The following TTC28 variants were observed in gnomAD, a reference collection of about 807,000 sequenced individuals.
TTC28 encodes the protein tetratricopeptide repeat domain 28.
In TTC28, 61 loss-of-function variants were observed where a neutral mutation model predicts 198.0. That is an observed-to-expected ratio of 0.31 (90% CI 0.25 to 0.38). The LOEUF is 0.38. Among genes scored for constraint, TTC28 ranks in the 10% least tolerant of loss-of-function variants. TTC28 has a pLI of 1.00. For missense variants in TTC28, 2,678 were observed against 3,164.0 expected (o/e 0.85, Z 3.69); for synonymous variants, 1,171 against 1,297.8 (o/e 0.90, Z 2.10).
At chr22:28,336,556 T>A (rs1253030729) in intron 2 of TTC28, among the ~76,000 whole-genome samples, 1 of 152,164 alleles carries the variant, frequency 6.6e-6, no homozygotes, top group Non-Finnish European at 1.5e-5. Context: ...TTCTTCCTGG[T>A]TTAGTCTTGG....
At chr22:28,661,251 T>A (rs2051741900) in intron 1 of TTC28, among the ~76,000 whole-genome samples, 1 of 152,112 alleles carries the variant, frequency 6.6e-6, no homozygotes, top group African/African-American at 2.4e-5. Context: ...GCCATTGTAC[T>A]CCAGCCTGGG....
chr22:28,344,804 G>A lies in TTC28; in HGVS notation c.382-38161C>T, dbSNP rs568946262. 9.2e-5 allele frequency among the ~76,000 whole-genome samples: 14 copies of A among 152,220 alleles called. No homozygotes were observed. In the East Asian group the frequency reaches 9.7e-4, roughly 10 times the overall value. Reference sequence around the variant, plus strand: ...TAAGGCTCTGTCCCCATGTGAAACCGGAGGTTAAATCATTCTTTGATTAAT... The same window carrying A: ...TAAGGCTCTGTCCCCATGTGAAACCAGAGGTTAAATCATTCTTTGATTAAT... On this transcript the variant is annotated intron_variant, in intron 2 of 22. Transcript: ENST00000397906.
chr22:28,107,506 T>A lies in TTC28; in HGVS notation c.2339A>T (p.Glu780Val). The A allele has an allele frequency of 1.9e-6, 3 of 1,551,782 alleles. No homozygotes were observed. The highest frequency in any genetic ancestry group is 1.7e-6 in the Non-Finnish European group (2 of 1,147,018). The change falls in exon 7 of 23, where the codon GAA (glutamate) becomes GTA (valine). Residue 780 changes from glutamate (E) to valine (V), a missense_variant. By Grantham distance (121) the Glu-to-Val change is moderately radical. This residue lies in a region of TTC28 where 775 missense variants were observed against 845.9 expected (regional missense o/e 0.92). Coordinates refer to ENST00000397906, the MANE Select transcript of TTC28 (RefSeq NM_001145418.2). ...ACTCAGCTCCTGATATACCTCCAGTTCCTGTGTGTGATAACCCAGGGCCTT... is the reference window on the plus strand; with the variant it reads ...ACTCAGCTCCTGATATACCTCCAGTACCTGTGTGTGATAACCCAGGGCCTT... ...YDKALGYHTQ[E>V]LEVYQELSDL...
At chr22:28,436,421 A>G (rs1269538167) in intron 2 of TTC28, among the ~76,000 whole-genome samples, 2 of 152,322 alleles carry the variant, frequency 1.3e-5, no homozygotes, top group African/African-American at 4.8e-5. Flanking sequence ...AAATATAGTC[A>G]AAGGAGGGTA....
rs150789500 is a variant in TTC28, at chr22:28,272,971, C to T, written c.933+23227G>A. ...AATCAAGTTATTGACCTTCGCATGG[C>T]ACTAGAAAGATAAAAGCCAAAGTTC... On this transcript the variant is annotated intron_variant, in intron 5 of 22. Coordinates refer to ENST00000397906, the MANE Select transcript of TTC28 (RefSeq NM_001145418.2). Among the ~76,000 whole-genome samples, 519 of 152,316 alleles carry T rather than the reference C, an allele frequency of 3.4e-3. 9 individuals are homozygous for T. Among genetic ancestry groups the T allele is most frequent in the Admixed American group, 0.028 (428 of 15,296 alleles).
chr22:28,038,096 A>G (rs1284173136), intron 12 of TTC28, among the ~76,000 whole-genome samples: 1 of 152,220 alleles, frequency 6.6e-6, no homozygotes, highest in African/African-American at 2.4e-5. Context: ...ATACTGCCCA[A>G]GGTAATTTAT....
chr22:28,484,397 C>T (rs56864199), intron 2 of TTC28, among the ~76,000 whole-genome samples: 3 of 152,260 alleles, frequency 2.0e-5, no homozygotes, highest in African/African-American at 7.2e-5. Context: ...CAGGCATGAG[C>T]CACCGCACCC....
intron 2 of TTC28, among the ~76,000 whole-genome samples, chr22:28,553,931 AG>A (rs1457248965): frequency 1.3e-5 from 2 of 152,056 alleles, no homozygotes; most frequent in African/African-American, 4.8e-5. Flanking sequence ...TGGAATAGAA[AG>A]GGGGGAAAGG....
intron 2 of TTC28, among the ~76,000 whole-genome samples, chr22:28,482,967 T>A (rs1400955388): frequency 6.6e-6 from 1 of 152,232 alleles, no homozygotes; most frequent in East Asian, 1.9e-4. Flanking sequence ...TGTTTATTCA[T>A]CCATTGATGG....
chr22:28,587,412 G>T (rs2050337865), intron 2 of TTC28, among the ~76,000 whole-genome samples: 1 of 152,076 alleles, frequency 6.6e-6, no homozygotes. Flanking sequence ...CTAAGACCAT[G>T]CATTTGTACC....
intron 5 of TTC28, among the ~76,000 whole-genome samples, chr22:28,248,789 C>T (rs567040355): frequency 2.0e-5 from 3 of 152,110 alleles, no homozygotes; most frequent in Non-Finnish European, 4.4e-5. Context: ...TACCTCTTTC[C>T]GTGAGGGCTT....
chr22:28,598,838 C>T (rs1039697349), intron 2 of TTC28, among the ~76,000 whole-genome samples: 4 of 152,096 alleles, frequency 2.6e-5, no homozygotes, highest in Non-Finnish European at 5.9e-5. Flanking sequence ...CAAGGGAGTA[C>T]ACTTTATTCC....
chr22:28,231,386 T>A (rs1928792471), intron 5 of TTC28, among the ~76,000 whole-genome samples: 1 of 152,212 alleles, frequency 6.6e-6, no homozygotes, highest in South Asian at 2.1e-4. Context: ...TTTTGTTTTG[T>A]TTTTGTTTTT....
intron 2 of TTC28, among the ~76,000 whole-genome samples, chr22:28,581,333 T>C (rs2050231003): frequency 6.6e-6 from 1 of 152,206 alleles, no homozygotes; most frequent in Admixed American, 6.5e-5. Context: ...AGAACCAACC[T>C]CTTTTCTTTA....
chr22:28,001,430 C>G lies in TTC28; in HGVS notation c.4342G>C (p.Glu1448Gln), dbSNP rs763400843. 6.4e-7 allele frequency: 1 copy of G among 1,551,554 alleles called. No individual in the cohort carries two copies. The highest frequency in any genetic ancestry group is 8.7e-7 in the Non-Finnish European group (1 of 1,146,976). ...KGSSSNEYLY[E>Q]RFGLLAVPSI... ...GGGACAGCAAGGAGGCCGAAGCGCT[C>G]GTAGAGGTACTCATTGGAGGAGCTT... Residue 1448 changes from glutamate to glutamine, a missense_variant, in exon 15 of 23, where the codon GAG becomes CAG. Physicochemically the swap from Glu to Gln is conservative, Grantham distance 29. Around this residue, in one of 8 missense-constraint regions of TTC28, gnomAD observed 727 missense variants for 861.9 expected, o/e 0.84. Transcript: ENST00000397906.
chr22:28,430,295 T>C (rs767203702), intron 2 of TTC28, among the ~76,000 whole-genome samples: 2 of 152,112 alleles, frequency 1.3e-5, no homozygotes, highest in African/African-American at 2.4e-5. Context: ...ACTCTCTAAA[T>C]TTACCACTAT....
chr22:28,658,978 CAG>C (rs1160942099), intron 1 of TTC28, among the ~76,000 whole-genome samples: 2 of 152,100 alleles, frequency 1.3e-5, no homozygotes, highest in East Asian at 3.9e-4. Flanking sequence ...GCCTGGGTGA[CAG>C]AGTGAGATTC....
At chr22:28,135,791 G>A (rs762037392) in intron 6 of TTC28, among the ~76,000 whole-genome samples, 8 of 152,156 alleles carry the variant, frequency 5.3e-5, no homozygotes, top group Non-Finnish European at 1.5e-5. Context: ...TCTTACCACT[G>A]TAATTGTTTA....
At chr22:28,121,946 C>T (rs1346420959) in intron 6 of TTC28, among the ~76,000 whole-genome samples, 1 of 152,198 alleles carries the variant, frequency 6.6e-6, no homozygotes, top group Non-Finnish European at 1.5e-5. Context: ...TGGCTCACTG[C>T]AAACTCCGCC....
Sources: allele counts gnomAD v4.1 joint callset (sites outside exome capture counted in the v4.1 genomes callset), GRCh38; gene constraint gnomAD v4.1.1; regional missense constraint gnomAD v4.1.1; transcripts MANE v1.5; gene names NCBI Gene and HGNC (gene_info 2026-07-23, HGNC 2026-07-21).